Variants in ATAD2B observed in about 807,000 individuals in gnomAD.
ATAD2B encodes ATPase family AAA domain-containing protein 2B.
In ATAD2B, 40 loss-of-function variants were observed where a neutral mutation model predicts 167.6. That is an observed-to-expected ratio of 0.24 (90% CI 0.19 to 0.31). The LOEUF is 0.31. ATAD2B is among the 10% of genes least tolerant of loss of function. The pLI is 1.00. For synonymous variants in ATAD2B, 579 were observed against 596.5 expected (o/e 0.97, Z 0.43); for missense variants, 1,242 against 1,757.2 (o/e 0.71, Z 5.24).
the ATAD2B span, among the ~76,000 whole-genome samples, chr2:23,730,665 CAAAAAAAAAAAAAAAAAAA>C: frequency 9.4e-5 from 3 of 31,980 alleles, no homozygotes; most frequent in Admixed American, 6.2e-4. Context: ...GACTCCGTTT[CAAAAAAAAAAAAAAAAAAA>C]AAAAAAGGAA....
At chr2:23,823,067 C>G (rs1687707788) in intron 16 of ATAD2B, among the ~76,000 whole-genome samples, 191 bp downstream of exon 16, 1 of 148,530 alleles carries the variant, frequency 6.7e-6, no homozygotes, top group South Asian at 2.2e-4. Context: ...AGTGAACATT[C>G]ATTCATTTGT....
At chr2:23,805,804 A>AAAAAAAAAAAAC (rs1252597111) in intron 18 of ATAD2B, among the ~76,000 whole-genome samples, 2 of 131,080 alleles carry the variant, frequency 1.5e-5, no homozygotes, top group African/African-American at 5.3e-5. Context: ...TTAAAAAAAA[A>AAAAAAAAAAAAC]AAAACAAATC....
chr2:23,901,676 TAA>T (rs370454906), intron 1 of ATAD2B, among the ~76,000 whole-genome samples: 62 of 152,294 alleles, frequency 4.1e-4, no homozygotes, highest in African/African-American at 1.5e-3. Context: ...CATGGTGAAT[TAA>T]GTTTGGGAAA....
the ATAD2B span, among the ~76,000 whole-genome samples, chr2:23,736,774 AG>A: frequency 6.6e-6 from 1 of 152,218 alleles, no homozygotes; most frequent in Non-Finnish European, 1.5e-5. Flanking sequence ...GCAAGGGGTC[AG>A]GGAATTCCCT....
chr2:23,754,927 G>A (rs1675780354), intron 25 of ATAD2B, 153 bp from the exon 26 acceptor site: 31 of 689,180 alleles, frequency 4.5e-5, no homozygotes, highest in South Asian at 1.6e-4. Context: ...AACCCAATGT[G>A]GTAGATTTTT....
intron 12 of ATAD2B, among the ~76,000 whole-genome samples, chr2:23,859,889 G>C (rs1216563370): frequency 2.0e-5 from 3 of 151,776 alleles, no homozygotes; most frequent in Non-Finnish European, 4.4e-5. Flanking sequence ...GACAGAAGTT[G>C]CTGTGAGCCG....
At chr2:23,770,083 G>A (rs1010861312) in intron 22 of ATAD2B, among the ~76,000 whole-genome samples, 4 of 151,724 alleles carry the variant, frequency 2.6e-5, no homozygotes, top group Non-Finnish European at 4.4e-5. Context: ...GCCGAGGCGG[G>A]CGGGTAACCT....
At chr2:23,747,642 T>A (rs146013348), downstream of ATAD2B, among the ~76,000 whole-genome samples, 26 of 152,244 alleles carry the variant, frequency 1.7e-4, no homozygotes, top group African/African-American at 5.8e-4. Flanking sequence ...TTCCACTGAA[T>A]CATTACTACT....
intron 2 of ATAD2B, among the ~76,000 whole-genome samples, chr2:23,889,279 T>C (rs907234149): frequency 2.0e-5 from 3 of 152,024 alleles, no homozygotes; most frequent in African/African-American, 7.2e-5. Flanking sequence ...GTGATTCTCC[T>C]GCCTCAGCCT....
intron 1 of ATAD2B, among the ~76,000 whole-genome samples, chr2:23,915,986 G>A (rs1227891380): frequency 6.6e-6 from 1 of 152,108 alleles, no homozygotes; most frequent in East Asian, 1.9e-4. Flanking sequence ...AACTTATTTG[G>A]AGGTTATGAT....
chr2:23,854,480 C>A (rs1342649959), intron 13 of ATAD2B, among the ~76,000 whole-genome samples: 1 of 151,914 alleles, frequency 6.6e-6, no homozygotes, highest in African/African-American at 2.4e-5. Context: ...GAGTTCTAGA[C>A]CAGCCTGGCC....
At chr2:23,816,835 T>C (rs1408239427) in intron 17 of ATAD2B, among the ~76,000 whole-genome samples, 1 of 152,182 alleles carries the variant, frequency 6.6e-6, no homozygotes, top group Non-Finnish European at 1.5e-5. Flanking sequence ...TCATAAAGCT[T>C]CTCTACCAGA....
rs754520528 is a variant in ATAD2B at position 23,788,529 on chromosome 2, G to A, written c.2759C>T (p.Pro920Leu). ...LILNQASMAP[P>L]RRKHAALCAM... The stretch of plus-strand genomic sequence containing the variant: ...AACTTTACCAGCATGTTTCCTTCGT[G>A]GTGGAGCCATTGATGCCTGATTGAG... Residue 920 changes from proline to leucine, a missense_variant, in exon 20 of 28, where the codon CCA becomes CTA. This residue lies in a region of ATAD2B where 204 missense variants were observed against 324.0 expected (regional missense o/e 0.63). Coordinates refer to ENST00000238789, the MANE Select transcript of ATAD2B (RefSeq NM_017552.4). The A allele has an allele frequency of 6.2e-7, 1 of 1,613,082 alleles. No homozygotes were observed.
At chr2:23,805,143 C>CAAAA (rs574560679) in intron 18 of ATAD2B, among the ~76,000 whole-genome samples, 1 of 113,986 alleles carries the variant, frequency 8.8e-6, no homozygotes, top group Non-Finnish European at 1.8e-5. Context: ...AACCCTGTCT[C>CAAAA]AAAAAAAAAA....
chr2:23,787,015 G>A (rs963474941), intron 20 of ATAD2B, among the ~76,000 whole-genome samples: 10 of 150,804 alleles, frequency 6.6e-5, no homozygotes, highest in Middle Eastern at 3.4e-3. Flanking sequence ...AACAGAGTAC[G>A]GATAGTGAAT....
intron 15 of ATAD2B, among the ~76,000 whole-genome samples, chr2:23,824,486 T>C (rs1558607403): frequency 6.6e-6 from 1 of 152,340 alleles, no homozygotes; most frequent in Non-Finnish European, 1.5e-5. Context: ...AACCAACTAT[T>C]AACATTCAGT....
intron 8 of ATAD2B, among the ~76,000 whole-genome samples, chr2:23,871,002 TG>T (rs1270265141): frequency 6.6e-6 from 1 of 152,100 alleles, no homozygotes; most frequent in Admixed American, 6.6e-5. Context: ...CACAAAATTG[TG>T]TGCTCACGAA....
intron 13 of ATAD2B, among the ~76,000 whole-genome samples, chr2:23,843,132 T>C (rs767541792): frequency 1.2e-4 from 18 of 152,114 alleles, no homozygotes; most frequent in Admixed American, 9.8e-4. Context: ...CTTAAATGCA[T>C]GAAAATCACA....
chr2:23,808,111 ATATATATAAT>A (rs1365669374), intron 18 of ATAD2B, among the ~76,000 whole-genome samples: 1 of 124,254 alleles, frequency 8.0e-6, no homozygotes, highest in East Asian at 2.1e-4. Flanking sequence ...ATAAGTAATT[ATATATATAAT>A]TATTATATAT....
Sources: gnomAD v4.1 joint callset for allele counts (sites outside exome capture counted in the v4.1 genomes callset) on GRCh38, gnomAD v4.1.1 for gene constraint, gnomAD v4.1.1 regional missense constraint, MANE v1.5 for transcripts, NCBI Gene and HGNC (gene_info 2026-07-23, HGNC 2026-07-21) for gene names.